The following ALPK3 variants were observed in gnomAD, a reference collection of about 807,000 sequenced individuals.
The protein encoded by ALPK3 is alpha-protein kinase 3.
ALPK3 carries 102 observed loss-of-function variants against 140.0 expected under a neutral mutation model. That is an observed-to-expected ratio of 0.73 (90% CI 0.62 to 0.86). The LOEUF is 0.86. ALPK3 is among the 40% of genes least tolerant of loss of function. ALPK3 has a pLI of 0.00. For synonymous variants in ALPK3, 938 were observed against 898.5 expected, an observed-to-expected ratio of 1.04 and a Z score of -0.79; for missense variants, 2,254 against 2,208.2, an observed-to-expected ratio of 1.02 and a Z score of -0.42.
chr15:84,840,488 T>TGGCCCA lies in ALPK3; in HGVS notation c.1220_1225dup (p.Pro407_Gly408dup), dbSNP rs755561788. On this transcript the variant is annotated inframe_insertion, in exon 5 of 14. Transcript: ENST00000258888. ...CTCCAGACAAGGCCCAGAAGGCCCC[T>TGGCCCA]GGCCCAGGCCCAGGCCAGGAAGTGT... is the stretch of plus-strand genomic sequence containing the variant. 34 of 1,613,408 alleles carry TGGCCCA rather than the reference T, an allele frequency of 2.1e-5. No individual in the cohort carries two copies. The highest frequency in any genetic ancestry group is 1.3e-4 in the East Asian group (6 of 44,876).
Position 84,856,868 on chromosome 15 carries a change from G to C in ALPK3, c.2130G>C (p.Thr710=). ...AGGGGATGCAGGGAGAGAAGGGGAC[G>C]CAGTCAGAGGGGAGCGCGCCCACAG... The part of the protein sequence containing the change: ...GEKGMQGEKG[T]QSEGSAPTAM... Residue 710 remains threonine, a synonymous_variant, in exon 6 of 14, where the codon ACG becomes ACC. Transcript: ENST00000258888. The C allele has an allele frequency of 6.2e-7, 1 of 1,614,022 alleles. No individual in the cohort carries two copies. The highest frequency in any genetic ancestry group is 1.6e-4 in the Middle Eastern group (1 of 6,062).
Position 84,871,073 on chromosome 15 carries a change from A to C in ALPK3, c.*2617A>C, listed in dbSNP as rs1015010608. 6.6e-6 allele frequency: 1 copy of C among 152,640 alleles called. No individual in the cohort carries two copies. Among genetic ancestry groups the C allele is most frequent in the African/African-American group, 2.4e-5 (1 of 41,458 alleles). 9.5% of individuals were successfully genotyped at this position (152,640 alleles called of 1,614,324 possible). Reference sequence around the variant, plus strand: ...CACAATTCCATTTTGAAATTCTACAACCTGTAGATTAACTGGTAAAATTAA... The same window carrying C: ...CACAATTCCATTTTGAAATTCTACACCCTGTAGATTAACTGGTAAAATTAA... On this transcript the variant is annotated 3_prime_UTR_variant, in exon 14 of 14. Coordinates refer to ENST00000258888, the MANE Select transcript of ALPK3 (RefSeq NM_020778.5).
chr15:84,827,075 T>C (rs984458162), intron 2 of ALPK3, among the ~76,000 whole-genome samples: 3 of 152,212 alleles, frequency 2.0e-5, no homozygotes, highest in African/African-American at 7.2e-5. Context: ...GAATGAAGGC[T>C]CTGCTATGCT....
intron 5 of ALPK3, among the ~76,000 whole-genome samples, chr15:84,850,755 C>A (rs1031489588): frequency 6.6e-6 from 1 of 152,080 alleles, no homozygotes; most frequent in Non-Finnish European, 1.5e-5. Flanking sequence ...GCAAATTAAA[C>A]CTCCTAATAT....
At chr15:84,820,384 C>T (rs1215865733) in intron 1 of ALPK3, among the ~76,000 whole-genome samples, 3 of 152,172 alleles carry the variant, frequency 2.0e-5, no homozygotes, top group Non-Finnish European at 4.4e-5. Flanking sequence ...TTTTATGTCC[C>T]AGACTAGATG....
At position 84,858,463 on chromosome 15, in the gene ALPK3, C is replaced by T; in HGVS notation, c.3725C>T (p.Pro1242Leu). 6.4e-7 allele frequency: 1 copy of T among 1,570,002 alleles called. No individual in the cohort carries two copies. Among genetic ancestry groups the T allele is most frequent in the Non-Finnish European group, 8.6e-7 (1 of 1,162,128 alleles). The stretch of plus-strand genomic sequence containing the variant: ...GCGGCAGGAGACCTGGGCCCCAGCC[C>T]CAAGGCCGGCGGTCTGGACACAGAG... Reference protein sequence around the residue: ...ELAAGDLGPSPKAGGLDTEVA... With the variant: ...ELAAGDLGPSLKAGGLDTEVA... The change falls in exon 6 of 14, where the codon CCC (proline) becomes CTC (leucine). Residue 1242 changes from proline (P) to leucine (L), a missense_variant. Coordinates refer to ENST00000258888, the MANE Select transcript of ALPK3 (RefSeq NM_020778.5).
chr15:84,828,944 T>C (rs938399586), intron 3 of ALPK3, among the ~76,000 whole-genome samples: 31 of 152,212 alleles, frequency 2.0e-4, no homozygotes, highest in African/African-American at 7.5e-4. Flanking sequence ...CCCGGTTCTT[T>C]CACAGCTTCA....
intron 12 of ALPK3, among the ~76,000 whole-genome samples, chr15:84,867,039 C>A (rs570961331): frequency 1.3e-5 from 2 of 152,148 alleles, no homozygotes; most frequent in South Asian, 4.2e-4. Flanking sequence ...TGAGCCTATC[C>A]TCCTCACTTG....
chr15:84,820,308 G>A (rs966141432), intron 1 of ALPK3, among the ~76,000 whole-genome samples: 6 of 152,190 alleles, frequency 3.9e-5, no homozygotes, highest in Non-Finnish European at 7.4e-5. Context: ...TGTTCAGCAT[G>A]GGTCAGCCAG....
At chr15:84,859,136 C>A in intron 6 of ALPK3, 107 bp from the exon 7 acceptor site, 1 of 1,484,478 alleles carries the variant, frequency 6.7e-7, no homozygotes, top group South Asian at 1.3e-5. Context: ...TGTGTGGAGA[C>A]TTGAATCCTG....
chr15:84,847,211 GAGAGAGA>G (rs1963741841), intron 5 of ALPK3, among the ~76,000 whole-genome samples: 4 of 24,456 alleles, frequency 1.6e-4, no homozygotes, highest in African/African-American at 3.0e-4. Flanking sequence ...GAAACGGGGA[GAGAGAGA>G]GAGAGAGAGA....
At chr15:84,837,761 A>G (rs560273638) in intron 3 of ALPK3, among the ~76,000 whole-genome samples, 31 of 151,972 alleles carry the variant, frequency 2.0e-4, no homozygotes, top group Non-Finnish European at 4.3e-4. Flanking sequence ...GCATCTTGCA[A>G]CTCTCTCTGT....
intron 6 of ALPK3, 39 bp downstream of exon 6, chr15:84,858,594 A>G (rs747280368): frequency 2.8e-5 from 43 of 1,528,754 alleles, no homozygotes; most frequent in Middle Eastern, 1.8e-4. Context: ...TTCACAGGAC[A>G]GGGCCACAGA....
intron 5 of ALPK3, among the ~76,000 whole-genome samples, chr15:84,843,663 C>T (rs1211642232): frequency 6.6e-6 from 1 of 152,182 alleles, no homozygotes; most frequent in African/African-American, 2.4e-5. Context: ...ACCTAGTGCC[C>T]TCAGGCACCT....
chr15:84,824,413 T>C (rs1963462142), intron 2 of ALPK3, among the ~76,000 whole-genome samples: 1 of 152,232 alleles, frequency 6.6e-6, no homozygotes, highest in Non-Finnish European at 1.5e-5. Flanking sequence ...TTCCCACCAC[T>C]TGGGCCTCAT....
intron 1 of ALPK3, among the ~76,000 whole-genome samples, chr15:84,821,626 CCT>C (rs1246655553): frequency 6.6e-6 from 1 of 152,054 alleles, no homozygotes; most frequent in Non-Finnish European, 1.5e-5. Flanking sequence ...GCAGCAGCTC[CCT>C]CTCGGGGGCA....
At chr15:84,850,714 T>A (rs1275966382) in intron 5 of ALPK3, among the ~76,000 whole-genome samples, 3 of 152,048 alleles carry the variant, frequency 2.0e-5, no homozygotes, top group Non-Finnish European at 2.9e-5. Context: ...TATCTGAGAA[T>A]TTATGAGGGA....
intron 1 of ALPK3, among the ~76,000 whole-genome samples, chr15:84,820,636 C>T (rs938549653): frequency 1.3e-5 from 2 of 152,070 alleles, no homozygotes; most frequent in African/African-American, 2.4e-5. Context: ...CGCCTGCCAC[C>T]GCACCCGGCT....
Position 84,868,132 on chromosome 15 carries a change from C to G in ALPK3, c.4794C>G (p.Ser1598Arg). 1 of 1,611,574 alleles carries G rather than the reference C, an allele frequency of 6.2e-7. No homozygotes were observed. Among genetic ancestry groups the G allele is most frequent in the Non-Finnish European group, 8.5e-7 (1 of 1,178,082 alleles). ...GCAGATACCAGGGCCTCAAGGAAAG[C>G]TGCTTCCCTGCCCTGCTGGACCGGT... ...KLRGYQGLKE[S>R]CFPALLDRFA... The change falls in exon 14 of 14, where the codon AGC (serine) becomes AGG (arginine). Residue 1598 changes from serine to arginine, a missense_variant. Ser to Arg is a moderately radical substitution (Grantham distance 110). Around this residue, in one of 3 missense-constraint regions of ALPK3, gnomAD observed 158 missense variants for 159.8 expected, o/e 0.99. Transcript: ENST00000258888.
Sources: gnomAD v4.1 joint callset for allele counts (sites outside exome capture counted in the v4.1 genomes callset) on GRCh38, gnomAD v4.1.1 for gene constraint, gnomAD v4.1.1 regional missense constraint, MANE v1.5 for transcripts, NCBI Gene and HGNC (gene_info 2026-07-23, HGNC 2026-07-21) for gene names.